ANKRD26: variants seen among roughly 807,000 people sequenced by gnomAD.
ANKRD26 encodes the protein ankyrin repeat domain 26, also known as ankyrin repeat domain-containing protein 26.
In ANKRD26, 141 loss-of-function variants were observed where a neutral mutation model predicts 208.7. That is an observed-to-expected ratio of 0.68 (90% CI 0.59 to 0.78). The LOEUF (loss-of-function observed/expected upper bound fraction) is 0.78. Among genes scored for constraint, ANKRD26 ranks in the 30% least tolerant of loss-of-function variants. The probability of loss-of-function intolerance (pLI) is 0.00; values close to 1 mark genes in which losing one functional copy is unlikely to be tolerated. For missense variants in ANKRD26, 1,889 were observed against 1,938.7 expected (o/e 0.97, Z 0.48); for synonymous variants, 636 against 660.4 (o/e 0.96, Z 0.57).
At chr10:27,006,835 A>G (rs2052902179) in intron 33 of ANKRD26, 82 bp downstream of exon 33, 1 of 1,075,710 alleles carries the variant, frequency 9.3e-7, no homozygotes, top group African/African-American at 1.6e-5. Flanking sequence ...AACAATGGAA[A>G]GGGATCCCAC....
At chr10:27,066,694 G>A in intron 10 of ANKRD26, 146 bp from the exon 11 acceptor site, 1 of 567,384 alleles carries the variant, frequency 1.8e-6, no homozygotes. Context: ...ATTTCACAAG[G>A]TTGATGCAGT....
At chr10:27,041,594 G>T (rs1354298008) in intron 20 of ANKRD26, among the ~76,000 whole-genome samples, 1 of 152,146 alleles carries the variant, frequency 6.6e-6, no homozygotes, top group African/African-American at 2.4e-5. Context: ...AGGCATGGAA[G>T]ATATTTTTTA....
At chr10:27,039,131 T>G (rs1589259636) in intron 21 of ANKRD26, among the ~76,000 whole-genome samples, 1 of 152,290 alleles carries the variant, frequency 6.6e-6, no homozygotes, top group East Asian at 1.9e-4. Flanking sequence ...ATTTTATTTT[T>G]TAATTCATGC....
intron 23 of ANKRD26, among the ~76,000 whole-genome samples, chr10:27,036,676 G>A (rs1001322693): frequency 2.6e-5 from 4 of 152,032 alleles, no homozygotes; most frequent in African/African-American, 9.7e-5. Context: ...GCATATCATT[G>A]TTTCAAAAGC....
downstream of ANKRD26, among the ~76,000 whole-genome samples, chr10:26,972,252 G>T (rs184244321): frequency 0.018 from 2,578 of 143,264 alleles, 135 homozygotes; most frequent in East Asian, 0.16. Context: ...AAAAAAAAAA[G>T]AAAATTATAG....
At chr10:27,049,047 T>A in intron 16 of ANKRD26, 68 bp from the exon 17 acceptor site, 2 of 1,353,940 alleles carry the variant, frequency 1.5e-6, no homozygotes, top group Non-Finnish European at 2.0e-6. Context: ...TTGTTTTCAT[T>A]GAGTTTATCA....
chr10:27,071,234 C>G (rs1488193004), intron 9 of ANKRD26, among the ~76,000 whole-genome samples: 2 of 137,984 alleles, frequency 1.4e-5, no homozygotes, highest in Admixed American at 7.9e-5. Flanking sequence ...GGCGCGATCT[C>G]GGCTCACTGC....
chr10:26,988,915 T>G (rs1207998665), downstream of ANKRD26, among the ~76,000 whole-genome samples: 5 of 151,876 alleles, frequency 3.3e-5, no homozygotes, highest in African/African-American at 1.2e-4. Flanking sequence ...TCCTGTTCGT[T>G]TTTATCTTCT....
At chr10:26,997,662 G>A (rs531407885) in intron 4 of ANKRD26, among the ~76,000 whole-genome samples, 9 of 152,266 alleles carry the variant, frequency 5.9e-5, no homozygotes, top group South Asian at 2.1e-4. Context: ...GAACATGTCC[G>A]GGGTCCAGGG....
At chr10:27,046,650 T>G in intron 17 of ANKRD26, 127 bp from the exon 18 acceptor site, 1 of 879,096 alleles carries the variant, frequency 1.1e-6, no homozygotes, top group Non-Finnish European at 1.7e-6. Context: ...TTCTAGTAAT[T>G]CTAACAAAGA....
intron 22 of ANKRD26, 105 bp downstream of exon 22, chr10:27,037,766 A>G: frequency 1.1e-6 from 1 of 938,620 alleles, no homozygotes; most frequent in Non-Finnish European, 1.6e-6. Flanking sequence ...GCTTGAGATA[A>G]CAGTTTTGTT....
rs60226106 is a variant in ANKRD26 at position 26,975,402 on chromosome 10, C to CTTTTTTTTTTT, written c.*911_*921dup. Among the ~76,000 whole-genome samples, 250 of 90,446 alleles carry CTTTTTTTTTTT rather than the reference C, an allele frequency of 2.8e-3. 16 individuals carry two copies. The highest frequency in any genetic ancestry group is 4.0e-3 in the African/African-American group (87 of 21,526). The allele number at this position is 90,446 out of a possible 152,430, so 59.3% of individuals were successfully genotyped here. On this transcript the variant is annotated 3_prime_UTR_variant and NMD_transcript_variant, in exon 6 of 6. Transcript: ENST00000674670. ...AGCCACCTCGCCCAGCTAATTTTTG[C>CTTTTTTTTTTT]TTTTTTTTTTTTTTTTTTGGTGTAG...
intron 4 of ANKRD26, among the ~76,000 whole-genome samples, chr10:27,089,375 C>T (rs1210364970): frequency 2.0e-5 from 3 of 152,140 alleles, no homozygotes; most frequent in Non-Finnish European, 4.4e-5. Flanking sequence ...ACTCAAATAA[C>T]CAACTAGAAA....
Position 27,093,311 on chromosome 10 carries a change from T to C in ANKRD26, c.531+38A>G, listed in dbSNP as rs2297147. On this transcript the variant is annotated intron_variant, in intron 3 of 33. Transcript: ENST00000376087. ...ATATGTCACTGTTGAAACAAACGCA[T>C]TTCAAATACTGTAAAAATAAAGTTG... 0.6 allele frequency: 954,680 copies of C among 1,587,024 alleles called. 297,201 individuals carry two copies. The highest frequency in any genetic ancestry group is 0.65 in the Non-Finnish European group (750,680 of 1,161,262).
At chr10:27,032,814 CA>C (rs1240210826) in intron 25 of ANKRD26, among the ~76,000 whole-genome samples, 5 of 135,868 alleles carry the variant, frequency 3.7e-5, no homozygotes, top group South Asian at 2.4e-4. Flanking sequence ...GACTCTGTCT[CA>C]AAAAAAAAAC....
chr10:27,063,930 A>G (rs1255704647), intron 12 of ANKRD26, 58 bp downstream of exon 12: 2 of 1,343,358 alleles, frequency 1.5e-6, no homozygotes, highest in African/African-American at 2.9e-5. Flanking sequence ...ATCAACAGTC[A>G]TGTTTTTAAA....
At chr10:26,975,350 T>C (rs538658109) in exon 6 of ANKRD26, among the ~76,000 whole-genome samples, 182 of 149,544 alleles carry the variant, frequency 1.2e-3, no homozygotes, top group Middle Eastern at 3.5e-3. Flanking sequence ...CACCTCAGCC[T>C]CCTGAGTAGC....
At chr10:27,022,724 A>G in intron 28 of ANKRD26, 37 bp from the exon 29 acceptor site, 7 of 1,546,526 alleles carry the variant, frequency 4.5e-6, no homozygotes, top group Non-Finnish European at 6.2e-6. Context: ...TCAAGTTTTA[A>G]AAAGGCAAAC....
At chr10:26,984,338 T>C (rs1334613170) in intron 3 of ANKRD26, among the ~76,000 whole-genome samples, 1 of 152,202 alleles carries the variant, frequency 6.6e-6, no homozygotes, top group Non-Finnish European at 1.5e-5. Context: ...AAGGTTGATA[T>C]TGTTTAGTGA....
Sources: gnomAD v4.1 joint callset for allele counts (sites outside exome capture counted in the v4.1 genomes callset) on GRCh38, gnomAD v4.1.1 for gene constraint, MANE v1.5 for transcripts, NCBI Gene and HGNC (gene_info 2026-07-23, HGNC 2026-07-21) for gene names.